The following SLC24A3 variants were observed in gnomAD, a reference collection of about 807,000 sequenced individuals.
SLC24A3 encodes the protein sodium/potassium/calcium exchanger 3.
SLC24A3 carries 28 observed loss-of-function variants against 75.8 expected under a neutral mutation model. The ratio of observed to expected loss-of-function variants is 0.37; its 90% CI spans 0.27 to 0.51. The LOEUF (loss-of-function observed/expected upper bound fraction) is 0.51. SLC24A3 is among the 20% of genes least tolerant of loss of function. SLC24A3 has a pLI of 0.94. For synonymous variants in SLC24A3, 372 were observed against 334.1 expected, an observed-to-expected ratio of 1.11 and a Z score of -1.24; for missense variants, 663 against 847.8, an observed-to-expected ratio of 0.78 and a Z score of 2.71.
chr20:19,418,488 G>T (rs1986862861), intron 2 of SLC24A3, among the ~76,000 whole-genome samples: 1 of 151,942 alleles, frequency 6.6e-6, no homozygotes, highest in African/African-American at 2.4e-5. Flanking sequence ...TAGAGGACTG[G>T]TCTGTGCAAT....
chr20:19,518,082 C>T (rs1294537584), intron 3 of SLC24A3, among the ~76,000 whole-genome samples: 4 of 152,316 alleles, frequency 2.6e-5, no homozygotes, highest in African/African-American at 7.2e-5. Flanking sequence ...CTTTCTATCC[C>T]CTTCACCTTC....
chr20:19,661,895 G>A (rs191983242), intron 7 of SLC24A3, among the ~76,000 whole-genome samples: 2 of 152,266 alleles, frequency 1.3e-5, no homozygotes, highest in Admixed American at 1.3e-4. Flanking sequence ...GATATCCAGG[G>A]ATTCGCCGGC....
chr20:19,570,390 C>T (rs1258029372), intron 3 of SLC24A3, among the ~76,000 whole-genome samples: 1 of 152,112 alleles, frequency 6.6e-6, no homozygotes, highest in African/African-American at 2.4e-5. Context: ...ATCACTGACC[C>T]CTTCTCAAGG....
chr20:19,696,000 C>A (rs567290446), intron 13 of SLC24A3, among the ~76,000 whole-genome samples: 1 of 136,136 alleles, frequency 7.3e-6, no homozygotes, highest in Non-Finnish European at 1.6e-5. Context: ...ATGGCTTTCC[C>A]CTTTTTTTCC....
At chr20:19,261,755 C>T (rs1448329218) in intron 1 of SLC24A3, 1 of 152,240 alleles carries the variant, frequency 6.6e-6, no homozygotes, top group Non-Finnish European at 1.5e-5. Flanking sequence ...TTCGTAAGGC[C>T]ACGTAGGTCC....
At chr20:19,280,893 T>G in intron 1 of SLC24A3, 66 bp from the exon 2 acceptor site, 1 of 1,559,904 alleles carries the variant, frequency 6.4e-7, no homozygotes. Flanking sequence ...GCAGCGGGCA[T>G]GCAGCGTCGG....
At chr20:19,237,355 G>T (rs1318666034) in intron 1 of SLC24A3, among the ~76,000 whole-genome samples, 1 of 152,088 alleles carries the variant, frequency 6.6e-6, no homozygotes, top group African/African-American at 2.4e-5. Context: ...TGCCTCAGCT[G>T]CCCATCTTCA....
In SLC24A3 at chr20:19,717,538, A is replaced by G. The variant is rs374215999; in HGVS notation, c.1730A>G (p.Asn577Ser). Reference protein sequence around the residue: ...AVDYGSYIRLNSRGLIYSVGL... With the variant: ...AVDYGSYIRLSSRGLIYSVGL... ...AACCCTCTCTTACAGATCCGGCTGA[A>G]TAGCAGGGGGCTGATCTACTCCGTA... The change falls in exon 16 of 17, where the codon AAT becomes AGT. Residue 577 changes from asparagine to serine, a missense_variant. By Grantham distance (46) the Asn-to-Ser change is conservative. Transcript: ENST00000328041. 49 of 1,613,960 alleles carry G rather than the reference A, an allele frequency of 3.0e-5. No individual in the cohort carries two copies. Among genetic ancestry groups the G allele is most frequent in the Non-Finnish European group, 4.2e-5 (49 of 1,179,962 alleles).
At chr20:19,578,443 C>T (rs1279441915) in intron 3 of SLC24A3, among the ~76,000 whole-genome samples, 1 of 151,992 alleles carries the variant, frequency 6.6e-6, no homozygotes, top group Non-Finnish European at 1.5e-5. Context: ...TGACAGCTGC[C>T]TCTAGCAGCT....
chr20:19,340,245 A>G (rs959718799), intron 2 of SLC24A3, among the ~76,000 whole-genome samples: 1 of 152,244 alleles, frequency 6.6e-6, no homozygotes, highest in Non-Finnish European at 1.5e-5. Flanking sequence ...ATATGAACAC[A>G]GACATGCACA....
intron 7 of SLC24A3, among the ~76,000 whole-genome samples, chr20:19,654,800 A>G (rs909642868): frequency 6.6e-6 from 1 of 151,856 alleles, no homozygotes; most frequent in Non-Finnish European, 1.5e-5. Flanking sequence ...GGCGTGCACC[A>G]CCACGGCTGG....
intron 2 of SLC24A3, among the ~76,000 whole-genome samples, chr20:19,510,614 G>T (rs545310240): frequency 6.6e-6 from 1 of 152,324 alleles, no homozygotes; most frequent in South Asian, 2.1e-4. Context: ...ACATAAAGGT[G>T]TAAGAGTGGG....
At chr20:19,590,635 G>A (rs2031362133) in intron 6 of SLC24A3, among the ~76,000 whole-genome samples, 1 of 152,210 alleles carries the variant, frequency 6.6e-6, no homozygotes, top group African/African-American at 2.4e-5. Context: ...ATGATCCTGT[G>A]AGTAGCAGAG....
chr20:19,682,142 C>T, intron 10 of SLC24A3, 151 bp downstream of exon 10: 1 of 885,536 alleles, frequency 1.1e-6, no homozygotes. Flanking sequence ...GTAATCCCAG[C>T]TGCATGGGAG....
intron 1 of SLC24A3, among the ~76,000 whole-genome samples, chr20:19,280,706 A>G (rs574887542): frequency 6.6e-6 from 1 of 152,326 alleles, no homozygotes; most frequent in African/African-American, 2.4e-5. Flanking sequence ...AGTGTGCTTT[A>G]TCAAGAGAGT....
chr20:19,413,407 G>A (rs1205657929), intron 2 of SLC24A3, among the ~76,000 whole-genome samples: 1 of 152,160 alleles, frequency 6.6e-6, no homozygotes, highest in Non-Finnish European at 1.5e-5. Flanking sequence ...CAGAGGAATT[G>A]GAGGAAATGC....
chr20:19,287,595 G>T (rs1983846923), intron 2 of SLC24A3, among the ~76,000 whole-genome samples: 1 of 152,186 alleles, frequency 6.6e-6, no homozygotes, highest in South Asian at 2.1e-4. Flanking sequence ...TGCCAAGGCT[G>T]GCTATAGCTC....
At chr20:19,576,333 G>A (rs1471530387) in intron 3 of SLC24A3, among the ~76,000 whole-genome samples, 3 of 152,174 alleles carry the variant, frequency 2.0e-5, no homozygotes, top group Non-Finnish European at 4.4e-5. Context: ...ACTCCCAGTA[G>A]GTTTTCTGCA....
At chr20:19,482,531 T>C (rs1233110081) in intron 2 of SLC24A3, among the ~76,000 whole-genome samples, 1 of 152,234 alleles carries the variant, frequency 6.6e-6, no homozygotes, top group African/African-American at 2.4e-5. Flanking sequence ...TAAAATTAAA[T>C]CACCACTTGC....
Sources: gnomAD v4.1 joint callset for allele counts (sites outside exome capture counted in the v4.1 genomes callset) on GRCh38, gnomAD v4.1.1 for gene constraint, MANE v1.5 for transcripts, NCBI Gene and HGNC (gene_info 2026-07-23, HGNC 2026-07-21) for gene names.